The following SLC9A3 variants were observed in gnomAD, a reference collection of about 807,000 sequenced individuals.
SLC9A3 encodes solute carrier family 9 member A3.
In SLC9A3, 37 loss-of-function variants were observed where a neutral mutation model predicts 86.8. The ratio of observed to expected loss-of-function variants is 0.43; its 90% confidence interval spans 0.33 to 0.56. The LOEUF (loss-of-function observed/expected upper bound fraction) is 0.56, where lower values mean the gene tolerates loss of function less well. SLC9A3 is among the 20% of genes least tolerant of loss of function. The pLI is 0.06. For synonymous variants in SLC9A3, 581 were observed against 528.3 expected (o/e 1.10, Z -1.37); for missense variants, 1,011 against 1,171.9 (o/e 0.86, Z 2.00).
chr5:476,132 C>T (rs1346891013), intron 13 of SLC9A3, 40 bp from the exon 14 acceptor site: 5 of 1,611,718 alleles, frequency 3.1e-6, no homozygotes, highest in African/African-American at 2.7e-5. Flanking sequence ...CCCGACACAG[C>T]CACACCCAGC....
chr5:476,820 G>A, intron 11 of SLC9A3, 148 bp from the exon 12 acceptor site: 1 of 962,874 alleles, frequency 1.0e-6, no homozygotes. Flanking sequence ...TGGGGCACGG[G>A]GACATCTGCC....
chr5:475,602 A>C lies in SLC9A3; in HGVS notation c.2210T>G (p.Leu737Arg). ...DEEMSGGIEF[L>R]ASVTKDTASD... Reference sequence around the variant, plus strand: ...CGCTGTGTCCTTGGTGACACTAGCCAGGAACTCGATCCCCCCACTCATCTC... The same window carrying C: ...CGCTGTGTCCTTGGTGACACTAGCCCGGAACTCGATCCCCCCACTCATCTC... Residue 737 changes from leucine to arginine, a missense_variant, in exon 15 of 17, where the codon CTG becomes CGG. Physicochemically the swap from Leu to Arg is moderately radical, Grantham distance 102. Transcript: ENST00000264938. 1 of 1,552,706 alleles carries C rather than the reference A, an allele frequency of 6.4e-7. No homozygotes were observed. The highest frequency in any genetic ancestry group is 8.7e-7 in the Non-Finnish European group (1 of 1,147,304).
chr5:477,604 A>G (rs13356700), intron 10 of SLC9A3, 160 bp from the exon 11 acceptor site: 245,396 of 550,998 alleles, frequency 0.45, 58,285 homozygotes, highest in Non-Finnish European at 0.51. Flanking sequence ...GAGGGGTGGA[A>G]ATGCCAAAAC....
Position 502,318 on chromosome 5 carries a change from C to T in SLC9A3, c.212-10247G>A, listed in dbSNP as rs115346107. ...GAGACGGCCCAGGCCCCCTTATTAG[C>T]AGCGTGAGAACAGACAGACACAGGC... On this transcript the variant is annotated intron_variant, in intron 1 of 16. Transcript: ENST00000264938. Among the ~76,000 whole-genome samples the T allele has an allele frequency of 7.5e-3, 1,138 of 152,266 alleles. 15 individuals carry two copies. Among genetic ancestry groups the T allele is most frequent in the African/African-American group, 0.024 (1,014 of 41,556 alleles).
intron 14 of SLC9A3, 43 bp from the exon 15 acceptor site, chr5:475,714 GC>G: frequency 8.9e-7 from 1 of 1,120,134 alleles, no homozygotes; most frequent in Non-Finnish European, 1.3e-6. Context: ...TCACTGGGGG[GC>G]TGTCCTCACA....
chr5:488,248 TGGG>T, intron 3 of SLC9A3, 65 bp downstream of exon 3: 24 of 1,553,210 alleles, frequency 1.5e-5, no homozygotes, highest in East Asian at 2.3e-5. Context: ...GACTGACCGA[TGGG>T]GGGTGAGACG....
In SLC9A3 at chr5:476,615, C is replaced by T; in HGVS notation, c.1818G>A (p.Arg606=). 1 of 1,609,916 alleles carries T rather than the reference C, an allele frequency of 6.2e-7. No individual in the cohort carries two copies. Among genetic ancestry groups the T allele is most frequent in the Non-Finnish European group, 8.5e-7 (1 of 1,179,884 alleles). The change falls in exon 12 of 17, where the codon CGG becomes CGA. Residue 606 remains arginine (R), a synonymous_variant. Coordinates refer to ENST00000264938, the MANE Select transcript of SLC9A3 (RefSeq NM_004174.4). ...LDMQSLEQRR[R]SIRDAEDMVT... ...CCATGTCCTCCGCGTCCCGGATGCT[C>T]CGCCGTCGCTGCTCCAGAGACTGCA...
At chr5:522,086 A>C (rs1254383977) in intron 1 of SLC9A3, among the ~76,000 whole-genome samples, 1 of 137,476 alleles carries the variant, frequency 7.3e-6, no homozygotes, top group South Asian at 2.4e-4. Context: ...GGATACCGCG[A>C]TGAGCTCCCA....
intron 2 of SLC9A3, among the ~76,000 whole-genome samples, chr5:490,517 G>A (rs916065840): frequency 4.6e-5 from 7 of 152,226 alleles, no homozygotes; most frequent in East Asian, 3.9e-4. Flanking sequence ...CCATTGTGAC[G>A]TGGCCACAGA....
At chr5:481,137 A>G (rs1379710780) in intron 9 of SLC9A3, among the ~76,000 whole-genome samples, 2 of 152,210 alleles carry the variant, frequency 1.3e-5, no homozygotes, top group Non-Finnish European at 2.9e-5. Flanking sequence ...TGAGCTGACC[A>G]CCTCAGTCTC....
chr5:488,299 G>C lies in SLC9A3; in HGVS notation c.675+17C>G. The C allele has an allele frequency of 6.2e-7, 1 of 1,611,890 alleles. No homozygotes were observed. Among genetic ancestry groups the C allele is most frequent in the East Asian group, 2.2e-5 (1 of 44,828 alleles). On this transcript the variant is annotated intron_variant, in intron 3 of 16. Transcript: ENST00000264938. ...CCCACGGCTCGCCCGCTCTGGAGCG[G>C]TGGCTCCGTTGCTCACCACGGTGAC...
At position 483,399 on chromosome 5, in the gene SLC9A3, A is replaced by G; in HGVS notation, c.1016T>C (p.Met339Thr). The change falls in exon 6 of 17, where the codon ATG becomes ACG. Residue 339 changes from methionine (M) to threonine (T), a missense_variant. Coordinates refer to ENST00000264938, the MANE Select transcript of SLC9A3 (RefSeq NM_004174.4). ...CTCGGCGCTGCTGGCCAGCATCTTCATGGTGTAGCGCACGGTGGTGGCCGA... is the reference window on the plus strand; with the variant it reads ...CTCGGCGCTGCTGGCCAGCATCTTCGTGGTGTAGCGCACGGTGGTGGCCGA... The part of the protein sequence containing the change: ...EQSATTVRYT[M>T]KMLASSAETI... 2 of 1,579,594 alleles carry G rather than the reference A, an allele frequency of 1.3e-6. No homozygotes were observed. Among genetic ancestry groups the G allele is most frequent in the Non-Finnish European group, 1.7e-6 (2 of 1,163,146 alleles).
intron 2 of SLC9A3, among the ~76,000 whole-genome samples, chr5:490,673 G>A (rs1471953465): frequency 1.3e-5 from 2 of 152,218 alleles, no homozygotes; most frequent in African/African-American, 4.8e-5. Flanking sequence ...TGAGCCTCGA[G>A]GGGCCGCGGG....
At position 483,254 on chromosome 5, in the gene SLC9A3, C is replaced by T. The variant is rs750755521; in HGVS notation, c.1153+8G>A. The T allele has an allele frequency of 1.2e-5, 19 of 1,536,700 alleles. No individual in the cohort carries two copies. The highest frequency in any genetic ancestry group is 6.0e-5 in the South Asian group (5 of 83,866). On this transcript the variant is annotated splice_region_variant and intron_variant, in intron 6 of 16. Transcript: ENST00000264938. Reference sequence around the variant, plus strand: ...TGGTCCCACGGCCGCAACCCGGCCCCGCCTCACCGATGGCCCGGTACACGG... The same window carrying T: ...TGGTCCCACGGCCGCAACCCGGCCCTGCCTCACCGATGGCCCGGTACACGG...
chr5:508,447 G>A lies in SLC9A3; in HGVS notation c.211+15665C>T, dbSNP rs190551402. 7.7e-3 allele frequency among the ~76,000 whole-genome samples: 1,066 copies of A among 139,262 alleles called. 19 individuals carry two copies. Among genetic ancestry groups the A allele is most frequent in the African/African-American group, 0.028 (995 of 36,048 alleles). 91.4% of individuals were successfully genotyped at this position (139,262 alleles called of 152,430 possible). A position where few individuals can be genotyped will look rare whatever the true frequency, so the allele number is the denominator to read the frequency against. ...GCCGCAGGGAGACGCAGCCCATAGC[G>A]CGCCTGGGATGGAGATGCCGCAGGG... On this transcript the variant is annotated intron_variant, in intron 1 of 16. Transcript: ENST00000264938.
At chr5:475,870 G>T in intron 14 of SLC9A3, 150 bp downstream of exon 14, 1 of 755,436 alleles carries the variant, frequency 1.3e-6, no homozygotes, top group Non-Finnish European at 2.2e-6. Context: ...TGGGTCTGCA[G>T]CTGGGGCCCT....
intron 14 of SLC9A3, 53 bp downstream of exon 14, chr5:475,967 G>T (rs1738700235): frequency 6.9e-7 from 1 of 1,444,968 alleles, no homozygotes; most frequent in South Asian, 1.3e-5. Context: ...GAGGGCTGGG[G>T]CTGGGAGGTG....
chr5:493,129 A>AC (rs1421425466), intron 1 of SLC9A3, among the ~76,000 whole-genome samples: 1 of 151,280 alleles, frequency 6.6e-6, no homozygotes, highest in South Asian at 2.1e-4. Context: ...AAAAAAAAAA[A>AC]GGTGATGAGA....
In SLC9A3 at chr5:474,877, C is replaced by T. The variant is rs1738611356; in HGVS notation, c.2501+6G>A. ...GGTTAGGCGGCGGGAGGCCCGGGAG[C>T]GTTACATGTGTGTGGACTCGGGGAG... is the stretch of plus-strand genomic sequence containing the variant. On this transcript the variant is annotated splice_donor_region_variant and intron_variant, in intron 16 of 16. Coordinates refer to ENST00000264938, the MANE Select transcript of SLC9A3 (RefSeq NM_004174.4). 6.3e-7 allele frequency: 1 copy of T among 1,589,146 alleles called. No individual in the cohort carries two copies.
Sources: gnomAD v4.1 joint callset for allele counts (sites outside exome capture counted in the v4.1 genomes callset) on GRCh38, gnomAD v4.1.1 for gene constraint, MANE v1.5 for transcripts, NCBI Gene and HGNC (gene_info 2026-07-23, HGNC 2026-07-21) for gene names.